DOK5: variants seen among roughly 807,000 people sequenced by gnomAD.
DOK5 encodes downstream of tyrosine kinase 5.
DOK5 carries 27 observed loss-of-function variants against 43.3 expected under a neutral mutation model. The observed-to-expected ratio is 0.62, with a 90% CI of 0.46 to 0.86. The LOEUF is 0.86. DOK5 is among the 40% of genes least tolerant of loss of function. The probability of loss-of-function intolerance (pLI) is 0.00; values close to 1 mark genes in which losing one functional copy is unlikely to be tolerated. For synonymous variants in DOK5, 146 were observed against 140.1 expected, an observed-to-expected ratio of 1.04 and a Z score of -0.30; for missense variants, 373 against 392.9, an observed-to-expected ratio of 0.95 and a Z score of 0.43.
At chr20:54,506,835 T>C (rs926734619) in intron 1 of DOK5, among the ~76,000 whole-genome samples, 2 of 152,204 alleles carry the variant, frequency 1.3e-5, no homozygotes, top group Admixed American at 1.3e-4. Context: ...TCTGTCTTCA[T>C]GGGGAGATAG....
At chr20:54,477,249 A>C (rs918747377) in intron 1 of DOK5, among the ~76,000 whole-genome samples, 2 of 152,212 alleles carry the variant, frequency 1.3e-5, no homozygotes, top group Non-Finnish European at 2.9e-5. Flanking sequence ...AAAACTGAAA[A>C]GAAATTTCAC....
At chr20:54,598,330 C>G (rs1568803190) in intron 5 of DOK5, among the ~76,000 whole-genome samples, 1 of 152,120 alleles carries the variant, frequency 6.6e-6, no homozygotes, top group Non-Finnish European at 1.5e-5. Flanking sequence ...TTTTCTTAGT[C>G]TTTTGTTTGT....
rs576614254 is a variant in DOK5 at position 54,598,325 on chromosome 20, T to C, written c.599+6520T>C. The stretch of plus-strand genomic sequence containing the variant: ...ATTGCTTATTTTGTTTGAAGTTTTC[T>C]TAGTCTTTTGTTTGTTTCTTTCCAC... On this transcript the variant is annotated intron_variant, in intron 5 of 7. Transcript: ENST00000262593. Among the ~76,000 whole-genome samples, 41 of 152,380 alleles carry C rather than the reference T, an allele frequency of 2.7e-4. 1 individual carries two copies. Among genetic ancestry groups the C allele is most frequent in the Non-Finnish European group, 5.7e-4 (39 of 68,034 alleles).
chr20:54,494,397 A>G (rs771000408), intron 1 of DOK5, among the ~76,000 whole-genome samples: 1 of 152,182 alleles, frequency 6.6e-6, no homozygotes. Flanking sequence ...AAGATTGACT[A>G]TGATTGAGCT....
rs139033675 is a variant in DOK5 at position 54,584,774 on chromosome 20, TAC to T, written c.175-3686_175-3685del. On this transcript the variant is annotated intron_variant, in intron 2 of 7. Coordinates refer to ENST00000262593, the MANE Select transcript of DOK5 (RefSeq NM_018431.5). ...GTGTGTGTGTATATATATCTAGATA[TAC>T]ACACACACACACACACACACACCTT... Among the ~76,000 whole-genome samples, 933 of 146,390 alleles carry T rather than the reference TAC, an allele frequency of 6.4e-3. 5 individuals carry two copies. Among genetic ancestry groups the T allele is most frequent in the South Asian group, 0.023 (107 of 4,606 alleles).
chr20:54,522,667 C>G (rs1983451211), intron 1 of DOK5, among the ~76,000 whole-genome samples: 1 of 151,566 alleles, frequency 6.6e-6, no homozygotes, highest in African/African-American at 2.4e-5. Flanking sequence ...TTACAGGCGT[C>G]CACTACCTGG....
intron 1 of DOK5, among the ~76,000 whole-genome samples, chr20:54,481,557 T>A (rs1424052506): frequency 6.6e-6 from 1 of 152,146 alleles, no homozygotes; most frequent in African/African-American, 2.4e-5. Context: ...TCTCCTTCAT[T>A]TATCTTTGTA....
At chr20:54,643,340 T>C (rs773949572) in intron 6 of DOK5, 118 bp from the exon 7 acceptor site, 1 of 1,381,110 alleles carries the variant, frequency 7.2e-7, no homozygotes. Flanking sequence ...TCGATGTTCA[T>C]TGATTTGCAG....
intron 4 of DOK5, among the ~76,000 whole-genome samples, chr20:54,591,053 CA>C (rs1985961489): frequency 6.6e-6 from 1 of 152,170 alleles, no homozygotes; most frequent in Non-Finnish European, 1.5e-5. Flanking sequence ...GAAACTAGTT[CA>C]AATATATGCA....
At chr20:54,540,347 A>C (rs552093822) in intron 1 of DOK5, among the ~76,000 whole-genome samples, 2 of 152,232 alleles carry the variant, frequency 1.3e-5, no homozygotes, top group South Asian at 4.1e-4. Context: ...TGCTTGGGAC[A>C]GTGTCTGTCT....
chr20:54,634,708 C>T (rs1013933994), intron 6 of DOK5, among the ~76,000 whole-genome samples: 1 of 151,088 alleles, frequency 6.6e-6, no homozygotes, highest in Non-Finnish European at 1.5e-5. Flanking sequence ...CCCAAAGTGC[C>T]GGGATTAATA....
chr20:54,547,754 T>G (rs961050040), intron 1 of DOK5, among the ~76,000 whole-genome samples: 4 of 152,242 alleles, frequency 2.6e-5, no homozygotes, highest in Non-Finnish European at 4.4e-5. Flanking sequence ...GAGATTTTCA[T>G]GTAACTACTA....
intron 1 of DOK5, among the ~76,000 whole-genome samples, chr20:54,487,259 G>C (rs1408273882): frequency 6.6e-6 from 1 of 152,116 alleles, no homozygotes; most frequent in Non-Finnish European, 1.5e-5. Context: ...CAAAGAGTTG[G>C]TGACTACTAG....
At chr20:54,602,819 G>A (rs138930269) in intron 5 of DOK5, among the ~76,000 whole-genome samples, 139 of 152,018 alleles carry the variant, frequency 9.1e-4, no homozygotes, top group African/African-American at 3.2e-3. Flanking sequence ...GATTATAGTC[G>A]CACACCGCCA....
At chr20:54,543,173 G>A (rs1336854810) in intron 1 of DOK5, among the ~76,000 whole-genome samples, 1 of 152,184 alleles carries the variant, frequency 6.6e-6, no homozygotes, top group Admixed American at 6.5e-5. Flanking sequence ...ATGAAGATGT[G>A]TTGAAGTTTC....
At chr20:54,572,943 A>G (rs1985338026) in intron 2 of DOK5, among the ~76,000 whole-genome samples, 1 of 152,194 alleles carries the variant, frequency 6.6e-6, no homozygotes, top group African/African-American at 2.4e-5. Flanking sequence ...ACAAGCACCT[A>G]CTGAGGGTCT....
chr20:54,588,552 AT>A lies in DOK5; in HGVS notation c.247del (p.Tyr83IlefsTer30). 6.2e-7 allele frequency: 1 copy of A among 1,614,178 alleles called. No homozygotes were observed. The highest frequency in any genetic ancestry group is 8.5e-7 in the Non-Finnish European group (1 of 1,180,002). On this transcript the variant is annotated frameshift_variant, in exon 3 of 8. Transcript: ENST00000262593. LOFTEE classifies it high-confidence loss of function. ...PKSTKKHAIG[I>X]YFNDDTSKTF... The stretch of plus-strand genomic sequence containing the variant: ...AAGCACCAAGAAACATGCCATAGGG[AT>A]TTATTTCAATGACGATACCTCCAAG...
chr20:54,522,153 T>G (rs946624129), intron 1 of DOK5, among the ~76,000 whole-genome samples: 2 of 152,138 alleles, frequency 1.3e-5, no homozygotes, highest in Non-Finnish European at 2.9e-5. Context: ...TGGGCCACAT[T>G]GGAAGAATTG....
intron 2 of DOK5, among the ~76,000 whole-genome samples, chr20:54,557,302 G>A (rs1254881882): frequency 6.6e-6 from 1 of 152,180 alleles, no homozygotes; most frequent in Non-Finnish European, 1.5e-5. Context: ...TTGGTTTCGG[G>A]ATGAAACTGT....
Sources: allele counts gnomAD v4.1 joint callset (sites outside exome capture counted in the v4.1 genomes callset), GRCh38; gene constraint gnomAD v4.1.1; transcripts MANE v1.5; gene names NCBI Gene and HGNC (gene_info 2026-07-23, HGNC 2026-07-21).